The following PTPRN2 variants were observed in gnomAD, a reference collection of about 807,000 sequenced individuals.
PTPRN2 encodes the protein receptor-type tyrosine-protein phosphatase N2.
In PTPRN2, 74 loss-of-function variants were observed where a neutral mutation model predicts 118.8. The ratio of observed to expected loss-of-function variants is 0.62; its 90% CI spans 0.52 to 0.76. The LOEUF (loss-of-function observed/expected upper bound fraction) is 0.76. Ranked by LOEUF, PTPRN2 falls within the 30% of genes least tolerant of loss-of-function variation. PTPRN2 has a pLI of 0.00. For missense variants in PTPRN2, 1,481 were observed against 1,394.4 expected (o/e 1.06, Z -0.99); for synonymous variants, 641 against 608.0 (o/e 1.05, Z -0.80).
intron 2 of PTPRN2, among the ~76,000 whole-genome samples, chr7:158,448,580 A>G (rs902139339): frequency 2.6e-5 from 4 of 152,160 alleles, no homozygotes; most frequent in African/African-American, 7.2e-5. Flanking sequence ...GGAGCCCCTC[A>G]GCGGGAGGGC....
intron 10 of PTPRN2, among the ~76,000 whole-genome samples, chr7:158,109,870 A>ATG: frequency 6.6e-6 from 1 of 151,116 alleles, no homozygotes; most frequent in Admixed American, 6.6e-5. Context: ...CCCCTATGTG[A>ATG]AGGGGACAGT....
intron 11 of PTPRN2, among the ~76,000 whole-genome samples, chr7:158,033,628 C>A (rs1397116892): frequency 6.6e-6 from 1 of 152,190 alleles, no homozygotes; most frequent in Admixed American, 6.5e-5. Flanking sequence ...ATGGTTCAAT[C>A]CCTCACACCA....
intron 11 of PTPRN2, among the ~76,000 whole-genome samples, chr7:158,056,422 C>T (rs192748580): frequency 6.6e-6 from 1 of 152,322 alleles, no homozygotes; most frequent in East Asian, 1.9e-4. Flanking sequence ...CTCCCATGAG[C>T]CCAGGGGAAA....
At chr7:157,556,823 C>CAT (rs144053493) in intron 21 of PTPRN2, among the ~76,000 whole-genome samples, 2 of 748 alleles carry the variant, frequency 2.7e-3, no homozygotes, top group African/African-American at 0.018. Flanking sequence ...CATACATATG[C>CAT]ACACACAAAT....
At chr7:158,114,712 C>T (rs1816585443) in intron 9 of PTPRN2, among the ~76,000 whole-genome samples, 1 of 152,178 alleles carries the variant, frequency 6.6e-6, no homozygotes, top group South Asian at 2.1e-4. Context: ...CGGCCACGGC[C>T]CTGGGGCCTA....
At chr7:157,972,449 C>T (rs890091155) in intron 11 of PTPRN2, among the ~76,000 whole-genome samples, 1 of 152,200 alleles carries the variant, frequency 6.6e-6, no homozygotes, top group Non-Finnish European at 1.5e-5. Context: ...GGGGTCCAGG[C>T]CCTGTGGGAG....
intron 13 of PTPRN2, among the ~76,000 whole-genome samples, chr7:157,664,647 T>C (rs1202180077): frequency 6.6e-6 from 1 of 151,836 alleles, no homozygotes; most frequent in Non-Finnish European, 1.5e-5. Flanking sequence ...TACTCCCAGC[T>C]ACTTGAGAGG....
intron 2 of PTPRN2, among the ~76,000 whole-genome samples, chr7:158,332,714 CACTT>C (rs1804742933): frequency 6.6e-6 from 1 of 151,486 alleles, no homozygotes; most frequent in African/African-American, 2.4e-5. Flanking sequence ...CTGCAGATGT[CACTT>C]ACACCCACAC....
chr7:158,317,714 G>C (rs998448901), intron 2 of PTPRN2, among the ~76,000 whole-genome samples: 3 of 152,304 alleles, frequency 2.0e-5, no homozygotes, highest in Non-Finnish European at 2.9e-5. Flanking sequence ...CTGCAGCTTC[G>C]GGCGGGGCGG....
At chr7:158,417,578 A>G (rs6978823) in intron 2 of PTPRN2, among the ~76,000 whole-genome samples, 132,647 of 137,020 alleles carry the variant, frequency 0.97, 64,219 homozygotes, top group African/African-American at 0.99. Context: ...TTAAGTCATG[A>G]TGTCCTACAT....
intron 12 of PTPRN2, among the ~76,000 whole-genome samples, chr7:157,710,149 C>T (rs1015225397): frequency 1.3e-5 from 2 of 152,208 alleles, no homozygotes; most frequent in African/African-American, 4.8e-5. Context: ...CCACAGGGCA[C>T]TTGGGTTATA....
At chr7:157,540,827 TC>T in intron 22 of PTPRN2, 42 bp from the exon 23 acceptor site, 4 of 1,468,850 alleles carry the variant, frequency 2.7e-6, no homozygotes, top group Admixed American at 2.0e-5. Flanking sequence ...GAGAGCGGCG[TC>T]CCCCCGACTC....
At chr7:158,538,977 G>A (rs1295629248) in intron 1 of PTPRN2, among the ~76,000 whole-genome samples, 2 of 152,104 alleles carry the variant, frequency 1.3e-5, no homozygotes, top group Non-Finnish European at 1.5e-5. Context: ...AACCCCCCAG[G>A]GCTCAGCTCT....
At chr7:158,180,027 C>T (rs575596050) in intron 5 of PTPRN2, among the ~76,000 whole-genome samples, 12 of 152,384 alleles carry the variant, frequency 7.9e-5, no homozygotes, top group Non-Finnish European at 1.8e-4. Flanking sequence ...AGAGCTAAAA[C>T]ACTGCCAGAG....
rs112742955 is a variant in PTPRN2, at chr7:158,563,156, T to C, written c.112+24402A>G. 0.012 allele frequency among the ~76,000 whole-genome samples: 1,762 copies of C among 152,272 alleles called. 27 individuals carry two copies. Among genetic ancestry groups the C allele is most frequent in the African/African-American group, 0.04 (1,675 of 41,538 alleles). ...CAGTGCCACCGAAGAAGAGAGGTCC[T>C]ACCTGAAACCTCACAGGGAAATTTG... On this transcript the variant is annotated intron_variant, in intron 1 of 22. Transcript: ENST00000389418. This position sits in a 1 kb window ranked among gnomAD's most constrained non-coding sequence, Gnocchi z 5.1.
rs907723260 is a variant in PTPRN2, at chr7:157,736,278, T to C, written c.1789-53341A>G. ...AGGGTTTAACTCTGGCCTTGCAGTT[T>C]TAGAGGTTGTTATAGGCTGAATTGT... On this transcript the variant is annotated intron_variant, in intron 12 of 22. Transcript: ENST00000389418. Among the ~76,000 whole-genome samples, 7 of 152,134 alleles carry C rather than the reference T, an allele frequency of 4.6e-5. No individual in the cohort carries two copies. In the South Asian group the frequency reaches 1.4e-3, roughly 32 times the overall value.
intron 2 of PTPRN2, among the ~76,000 whole-genome samples, chr7:158,429,109 G>A (rs150127236): frequency 6.6e-6 from 1 of 152,338 alleles, no homozygotes; most frequent in Non-Finnish European, 1.5e-5. Flanking sequence ...TAACTGCTCT[G>A]TACTAAGAAC....
chr7:158,521,621 A>G (rs13240633), intron 1 of PTPRN2, among the ~76,000 whole-genome samples: 7,110 of 41,446 alleles, frequency 0.17, 1,233 homozygotes, highest in African/African-American at 0.37. Context: ...GTAGTGGCTC[A>G]GGAGGGAGGT....
chr7:158,470,794 T>G (rs1819796722), intron 2 of PTPRN2, among the ~76,000 whole-genome samples: 1 of 151,994 alleles, frequency 6.6e-6, no homozygotes, highest in South Asian at 2.1e-4. Context: ...GTGAAATGCG[T>G]GACCTTAGGT....
Sources: gnomAD v4.1 joint callset for allele counts (sites outside exome capture counted in the v4.1 genomes callset) on GRCh38, gnomAD v4.1.1 for gene constraint, Gnocchi (gnomAD v3.1) non-coding constraint, MANE v1.5 for transcripts, NCBI Gene and HGNC (gene_info 2026-07-23, HGNC 2026-07-21) for gene names.